The following AUTS2 variants were observed in gnomAD, a reference collection of about 807,000 sequenced individuals.
AUTS2 encodes activator of transcription and developmental regulator AUTS2.
AUTS2 carries 17 observed loss-of-function variants against 112.4 expected under a neutral mutation model. That is an observed-to-expected ratio of 0.15 (90% CI 0.10 to 0.23). The LOEUF (loss-of-function observed/expected upper bound fraction) is 0.23. AUTS2 is among the 10% of genes least tolerant of loss of function. AUTS2 has a pLI of 1.00. For synonymous variants in AUTS2, 751 were observed against 702.7 expected, an observed-to-expected ratio of 1.07 and a Z score of -1.09; for missense variants, 1,510 against 1,701.6, an observed-to-expected ratio of 0.89 and a Z score of 1.98.
At chr7:70,273,956 T>A (rs1345105966) in intron 4 of AUTS2, among the ~76,000 whole-genome samples, 1 of 152,162 alleles carries the variant, frequency 6.6e-6, no homozygotes, top group Non-Finnish European at 1.5e-5. Flanking sequence ...TTAGGGGTAT[T>A]TTAGAACCAG....
At chr7:69,633,341 A>G (rs193046473) in intron 1 of AUTS2, among the ~76,000 whole-genome samples, 40 of 152,094 alleles carry the variant, frequency 2.6e-4, no homozygotes, top group Non-Finnish European at 4.9e-4. Flanking sequence ...CCCACAGTTT[A>G]TCCATTTGCC....
At chr7:70,606,617 T>C (rs948390496) in intron 5 of AUTS2, among the ~76,000 whole-genome samples, 2 of 152,096 alleles carry the variant, frequency 1.3e-5, no homozygotes, top group Non-Finnish European at 2.9e-5. Context: ...TCTCAGCACT[T>C]TGGGAGGCTG....
chr7:70,270,329 T>C (rs2129608819), intron 4 of AUTS2, among the ~76,000 whole-genome samples: 1 of 152,116 alleles, frequency 6.6e-6, no homozygotes, highest in South Asian at 2.1e-4. Context: ...TAGTATTGGG[T>C]TTTGAAGGAT....
intron 2 of AUTS2, among the ~76,000 whole-genome samples, chr7:69,975,819 C>T (rs748896981): frequency 6.6e-6 from 1 of 151,934 alleles, no homozygotes. Context: ...TCCCAAGTAG[C>T]TGGGATTACA....
chr7:70,169,282 C>G (rs1446470696), intron 4 of AUTS2, among the ~76,000 whole-genome samples: 1 of 151,868 alleles, frequency 6.6e-6, no homozygotes, highest in East Asian at 1.9e-4. Context: ...ACTGTGTCAC[C>G]CAGGCTGAAG....
intron 1 of AUTS2, among the ~76,000 whole-genome samples, chr7:69,896,640 G>A (rs1794753993): frequency 6.6e-6 from 1 of 151,782 alleles, no homozygotes; most frequent in Admixed American, 6.6e-5. Context: ...TTATAGGTTT[G>A]GATGTTTTAA....
At chr7:70,511,468 A>G (rs1043871252) in intron 5 of AUTS2, among the ~76,000 whole-genome samples, 2 of 150,040 alleles carry the variant, frequency 1.3e-5, no homozygotes, top group Non-Finnish European at 3.0e-5. Context: ...CACACATCCC[A>G]GTTTCCCTGG....
intron 2 of AUTS2, among the ~76,000 whole-genome samples, chr7:70,086,861 G>C (rs1311869715): frequency 2.0e-5 from 3 of 151,240 alleles, no homozygotes; most frequent in African/African-American, 7.3e-5. Flanking sequence ...AGTGTTAATG[G>C]CTCTTTTTAA....
intron 1 of AUTS2, among the ~76,000 whole-genome samples, chr7:69,770,789 G>A (rs750246613): frequency 4.3e-5 from 6 of 138,708 alleles, no homozygotes; most frequent in Non-Finnish European, 8.0e-5. Flanking sequence ...AACTACTTCC[G>A]CTTGCTTTTT....
chr7:69,681,435 C>T (rs1229811257), intron 1 of AUTS2, among the ~76,000 whole-genome samples: 2 of 152,168 alleles, frequency 1.3e-5, no homozygotes, highest in Admixed American at 1.3e-4. Context: ...TGGCTACATA[C>T]AGAACAGGGC....
intron 1 of AUTS2, among the ~76,000 whole-genome samples, chr7:69,714,285 G>A (rs1431581354): frequency 1.3e-5 from 2 of 150,846 alleles, no homozygotes; most frequent in African/African-American, 4.9e-5. Flanking sequence ...GTGTGTGTGT[G>A]TGTGTAGAGA....
chr7:70,277,332 TGATA>T (rs1584962969), intron 4 of AUTS2, among the ~76,000 whole-genome samples: 1 of 152,154 alleles, frequency 6.6e-6, no homozygotes, highest in South Asian at 2.1e-4. Context: ...AAGGTGAGAA[TGATA>T]GATAAAGGAT....
At chr7:70,181,900 C>A (rs1450539985) in intron 4 of AUTS2, among the ~76,000 whole-genome samples, 1 of 148,370 alleles carries the variant, frequency 6.7e-6, no homozygotes, top group Non-Finnish European at 1.5e-5. Context: ...CAGGTTCACG[C>A]CATTCTCCTG....
intron 1 of AUTS2, among the ~76,000 whole-genome samples, chr7:69,681,522 A>G (rs1038652112): frequency 6.6e-6 from 1 of 152,170 alleles, no homozygotes; most frequent in African/African-American, 2.4e-5. Context: ...TGTTAAGGTC[A>G]TACTGCTGGA....
intron 4 of AUTS2, among the ~76,000 whole-genome samples, chr7:70,163,237 C>CA (rs779345372): frequency 1.1e-4 from 17 of 150,822 alleles, no homozygotes; most frequent in Middle Eastern, 3.2e-3. Flanking sequence ...TCCCAGAGCT[C>CA]AGAGAGTTCA....
At chr7:70,037,019 AT>A (rs1801035790) in intron 2 of AUTS2, among the ~76,000 whole-genome samples, 1 of 152,224 alleles carries the variant, frequency 6.6e-6, no homozygotes, top group South Asian at 2.1e-4. Context: ...TTTTAAAAAA[AT>A]AATTATATTT....
intron 2 of AUTS2, among the ~76,000 whole-genome samples, chr7:70,067,343 A>G (rs1206728147): frequency 6.6e-6 from 1 of 152,240 alleles, no homozygotes; most frequent in East Asian, 1.9e-4. Context: ...AATTAAAAGT[A>G]ATAAGGAGGT....
chr7:70,120,799 A>G (rs1322241637), intron 3 of AUTS2, among the ~76,000 whole-genome samples: 1 of 152,222 alleles, frequency 6.6e-6, no homozygotes, highest in Non-Finnish European at 1.5e-5. Flanking sequence ...GATTCAGTGC[A>G]ATGTCTATCA....
chr7:70,158,468 C>T (rs1562748544), intron 4 of AUTS2, among the ~76,000 whole-genome samples: 1 of 152,146 alleles, frequency 6.6e-6, no homozygotes, highest in Non-Finnish European at 1.5e-5. Context: ...AGAGAGGCCT[C>T]AAGGATAACC....
Sources: allele counts gnomAD v4.1 joint callset (sites outside exome capture counted in the v4.1 genomes callset), GRCh38; gene constraint gnomAD v4.1.1; transcripts MANE v1.5; gene names NCBI Gene and HGNC (gene_info 2026-07-23, HGNC 2026-07-21).